CMIP: variants seen among roughly 807,000 people sequenced by gnomAD.
CMIP encodes the protein C-Maf-inducing protein.
A neutral mutation model predicts 97.3 loss-of-function variants in CMIP; 13 were observed. The observed-to-expected ratio is 0.13, with a 90% CI of 0.09 to 0.21. CMIP has a LOEUF of 0.21. Ranked by LOEUF, CMIP falls within the 10% of genes least tolerant of loss-of-function variation. The probability of loss-of-function intolerance (pLI) is 1.00; values close to 1 mark genes in which losing one functional copy is unlikely to be tolerated. For missense variants in CMIP, 847 were observed against 1,024.9 expected, an observed-to-expected ratio of 0.83 and a Z score of 2.37; for synonymous variants, 538 against 436.3, an observed-to-expected ratio of 1.23 and a Z score of -2.91.
In CMIP at chr16:81,678,514, A is replaced by G; in HGVS notation, c.1274A>G (p.Glu425Gly). The G allele has an allele frequency of 6.2e-7, 1 of 1,603,890 alleles. No individual in the cohort carries two copies. Among genetic ancestry groups the G allele is most frequent in the Non-Finnish European group, 8.5e-7 (1 of 1,176,038 alleles). ...ALTASAGNDS[E>G]PNLIDCLMVS... ...ACGGCCAGCGCAGGCAACGACAGCG[A>G]GCCCAACCTCATCGACTGCCTCATG... The change falls in exon 10 of 21, where the codon GAG becomes GGG. Residue 425 changes from glutamate (E) to glycine (G), a missense_variant. Transcript: ENST00000537098.
At chr16:81,669,417 T>C (rs1248918914) in intron 7 of CMIP, among the ~76,000 whole-genome samples, 5 of 57,434 alleles carry the variant, frequency 8.7e-5, no homozygotes, top group Non-Finnish European at 1.8e-4. Flanking sequence ...CCACACCCAC[T>C]TCATACCTCC....
At chr16:81,505,854 G>A (rs980651011) in intron 1 of CMIP, among the ~76,000 whole-genome samples, 1 of 152,238 alleles carries the variant, frequency 6.6e-6, no homozygotes, top group African/African-American at 2.4e-5. Flanking sequence ...AATCAGCCGG[G>A]CGTGGTGGCA....
chr16:81,475,555 A>G (rs1037872628), intron 1 of CMIP, among the ~76,000 whole-genome samples: 4 of 152,168 alleles, frequency 2.6e-5, no homozygotes, highest in Admixed American at 2.0e-4. Context: ...TCTGCAATCC[A>G]GCTAGGCATG....
chr16:81,701,848 G>A (rs374821819), intron 16 of CMIP, 48 bp downstream of exon 16: 3 of 1,609,368 alleles, frequency 1.9e-6, no homozygotes, highest in Non-Finnish European at 2.5e-6. Flanking sequence ...GCAGGCCAGG[G>A]GGGGCCAGGG....
chr16:81,450,351 C>T (rs1264603099), intron 1 of CMIP, among the ~76,000 whole-genome samples: 1 of 152,190 alleles, frequency 6.6e-6, no homozygotes, highest in Non-Finnish European at 1.5e-5. Context: ...TCTCATGGCG[C>T]TGGATCTGGA....
At chr16:81,640,806 C>T (rs139558127) in intron 3 of CMIP, among the ~76,000 whole-genome samples, 1,598 of 150,148 alleles carry the variant, frequency 0.011, 14 homozygotes, top group Non-Finnish European at 0.016. Flanking sequence ...TTTATAACGA[C>T]GCCAGTCACT....
At chr16:81,709,111 G>A (rs562539727) in intron 20 of CMIP, among the ~76,000 whole-genome samples, 3 of 152,132 alleles carry the variant, frequency 2.0e-5, no homozygotes, top group Non-Finnish European at 4.4e-5. Context: ...ACAATGGAGA[G>A]ACATAGCAGG....
chr16:81,512,322 A>G (rs2925977), intron 1 of CMIP, among the ~76,000 whole-genome samples: 2,249 of 152,118 alleles, frequency 0.015, 56 homozygotes, highest in African/African-American at 0.051. Context: ...GCTGTGGTTG[A>G]TGGGCAGGTT....
intron 1 of CMIP, among the ~76,000 whole-genome samples, chr16:81,572,113 T>C (rs1414351698): frequency 1.3e-5 from 2 of 152,182 alleles, no homozygotes; most frequent in Non-Finnish European, 2.9e-5. Context: ...CCCTCCTGTC[T>C]CCCGGGGGCT....
At chr16:81,634,340 T>C (rs1360151540) in intron 3 of CMIP, among the ~76,000 whole-genome samples, 1 of 152,222 alleles carries the variant, frequency 6.6e-6, no homozygotes, top group Non-Finnish European at 1.5e-5. Flanking sequence ...AGTCTGACTC[T>C]CAGATTAACC....
At chr16:81,664,033 G>A (rs1044581861) in intron 6 of CMIP, among the ~76,000 whole-genome samples, 7 of 152,166 alleles carry the variant, frequency 4.6e-5, no homozygotes, top group Non-Finnish European at 5.9e-5. Context: ...GAGGCTGTGC[G>A]TGCCGGGGGC....
intron 1 of CMIP, among the ~76,000 whole-genome samples, chr16:81,472,633 C>T (rs758533706): frequency 1.3e-5 from 2 of 152,194 alleles, no homozygotes; most frequent in Non-Finnish European, 2.9e-5. Flanking sequence ...AGCCAATCAC[C>T]AGAGCCCCTT....
At chr16:81,666,461 C>T (rs1447157839) in intron 7 of CMIP, 4 of 152,170 alleles carry the variant, frequency 2.6e-5, no homozygotes, top group Admixed American at 2.0e-4. Context: ...CTTCACCATA[C>T]AACGCCTTTC....
At chr16:81,460,847 C>T (rs1297615730) in intron 1 of CMIP, among the ~76,000 whole-genome samples, 7 of 152,172 alleles carry the variant, frequency 4.6e-5, no homozygotes, top group Admixed American at 2.0e-4. Context: ...GTGATGATGA[C>T]GGTGATGATG....
chr16:81,697,217 C>A, intron 14 of CMIP: 1 of 159,758 alleles, frequency 6.3e-6, no homozygotes, highest in South Asian at 1.8e-4. Flanking sequence ...ACTTCATATG[C>A]ACTATCCTTT....
chr16:81,662,799 G>A (rs1055606129), intron 6 of CMIP, among the ~76,000 whole-genome samples: 14 of 152,294 alleles, frequency 9.2e-5, no homozygotes, highest in African/African-American at 2.4e-4. Flanking sequence ...AAAACACCGC[G>A]CTGGTGATGA....
chr16:81,459,598 CAG>C (rs1462645029), intron 1 of CMIP, among the ~76,000 whole-genome samples: 2 of 152,224 alleles, frequency 1.3e-5, no homozygotes, highest in Non-Finnish European at 2.9e-5. Context: ...GATTTAAAAA[CAG>C]AATTGAAAGT....
intron 1 of CMIP, among the ~76,000 whole-genome samples, chr16:81,593,610 T>G (rs1340463848): frequency 6.6e-6 from 1 of 152,194 alleles, no homozygotes; most frequent in East Asian, 1.9e-4. Context: ...AGCTCTTTTT[T>G]CTTGTTGAGG....
At chr16:81,679,013 T>A (rs1904590666) in intron 10 of CMIP, among the ~76,000 whole-genome samples, 1 of 152,236 alleles carries the variant, frequency 6.6e-6, no homozygotes, top group Non-Finnish European at 1.5e-5. Flanking sequence ...TTTGTGTGTG[T>A]GTGTGAGGAT....
Sources: gnomAD v4.1 joint callset for allele counts (sites outside exome capture counted in the v4.1 genomes callset) on GRCh38, gnomAD v4.1.1 for gene constraint, MANE v1.5 for transcripts, NCBI Gene and HGNC (gene_info 2026-07-23, HGNC 2026-07-21) for gene names.